ETFB: variants seen among roughly 807,000 people sequenced by gnomAD.
The protein encoded by ETFB is beta-ETF.
Under a neutral mutation model 25.6 loss-of-function variants are expected in ETFB, and 20 were observed. The observed-to-expected ratio is 0.78, with a 90% CI of 0.55 to 1.14. The LOEUF (loss-of-function observed/expected upper bound fraction) is 1.14. ETFB is among the 50% of genes most tolerant of loss of function. The probability of loss-of-function intolerance (pLI) is 0.00; values close to 1 mark genes in which losing one functional copy is unlikely to be tolerated. For missense variants in ETFB, 286 were observed against 342.6 expected (o/e 0.83, Z 1.30); for synonymous variants, 142 against 146.7 (o/e 0.97, Z 0.23).
At position 51,347,357 on chromosome 19, in the gene ETFB, T is replaced by A. The variant is rs575767565; in HGVS notation, c.439-299A>T. 1.1e-4 allele frequency: 38 copies of A among 350,016 alleles called. No homozygotes were observed. In the East Asian group the frequency reaches 2.0e-3, roughly 18 times the overall value. 21.7% of individuals were successfully genotyped at this position (350,016 alleles called of 1,614,324 possible). Reference sequence around the variant, plus strand: ...GCTGAGCCCTGTGCTAAGCAACTGATGTATCAAGTCATCGAATCCTCGCAG... The same window carrying A: ...GCTGAGCCCTGTGCTAAGCAACTGAAGTATCAAGTCATCGAATCCTCGCAG... On this transcript the variant is annotated intron_variant, in intron 4 of 5. Transcript: ENST00000309244.
intron 1 of ETFB, among the ~76,000 whole-genome samples, chr19:51,362,204 C>CACACACACAT (rs60638050): frequency 1.4e-5 from 2 of 146,270 alleles, no homozygotes; most frequent in Admixed American, 6.9e-5. Flanking sequence ...CACACACACA[C>CACACACACAT]GAATACACTC....
rs912384773 is a variant in ETFB at position 51,350,326 on chromosome 19, C to T, written c.438+3G>A. 6.2e-7 allele frequency: 1 copy of T among 1,610,296 alleles called. No homozygotes were observed. The highest frequency in any genetic ancestry group is 1.1e-5 in the South Asian group (1 of 90,116). ...CAGCAGGTGCTCCCCACTCCAGTCT[C>T]ACCTGTGGCCAGTCAAGAAATCCAG... On this transcript the variant is annotated splice_donor_region_variant and intron_variant, in intron 4 of 5. Transcript: ENST00000309244.
Position 51,363,677 on chromosome 19 carries a change from G to A in ETFB, c.57+2593C>T, listed in dbSNP as rs549342644. 3.6e-3 allele frequency among the ~76,000 whole-genome samples: 552 copies of A among 152,246 alleles called. 2 individuals carry two copies. Among genetic ancestry groups the A allele is most frequent in the Non-Finnish European group, 5.5e-3 (376 of 68,020 alleles). On this transcript the variant is annotated intron_variant, in intron 1 of 5. Coordinates refer to ENST00000309244, the MANE Select transcript of ETFB (RefSeq NM_001985.3). Reference sequence around the variant, plus strand: ...TTGGCCTGGCTGGTCTCAAACTCCTGACCTCAACTGATCCACTCGCCTCAG... The same window carrying A: ...TTGGCCTGGCTGGTCTCAAACTCCTAACCTCAACTGATCCACTCGCCTCAG...
chr19:51,355,288 G>A (rs530752457), intron 1 of ETFB: 1 of 152,658 alleles, frequency 6.6e-6, no homozygotes, highest in South Asian at 2.1e-4. Context: ...CGAAGGATAT[G>A]AATAGACACT....
At chr19:51,363,475 G>A (rs1968239) in intron 1 of ETFB, among the ~76,000 whole-genome samples, 41,573 of 151,814 alleles carry the variant, frequency 0.27, 5,961 homozygotes, top group South Asian at 0.46. Context: ...TTGAGACTGA[G>A]TCTAGCTCTG....
intron 4 of ETFB, among the ~76,000 whole-genome samples, chr19:51,349,703 C>G (rs1985884506): frequency 6.6e-6 from 1 of 152,080 alleles, no homozygotes; most frequent in African/African-American, 2.4e-5. Flanking sequence ...CCGTGGCCTC[C>G]CAAAGTGCTA....
intron 4 of ETFB, among the ~76,000 whole-genome samples, chr19:51,349,637 G>A (rs898310466): frequency 2.6e-5 from 4 of 152,024 alleles, no homozygotes; most frequent in East Asian, 3.9e-4. Flanking sequence ...TAGAGATGGG[G>A]TCTAACTATG....
intron 1 of ETFB, 134 bp from the exon 2 acceptor site, chr19:51,354,442 C>T (rs1238229573): frequency 1.2e-6 from 2 of 1,613,998 alleles, no homozygotes; most frequent in South Asian, 2.2e-5. Flanking sequence ...TCCGGGGTCA[C>T]ACAGCTCCAG....
At chr19:51,348,207 G>A (rs1371162145) in intron 4 of ETFB, 1 of 152,212 alleles carries the variant, frequency 6.6e-6, no homozygotes, top group African/African-American at 2.4e-5. Context: ...CTTGAGGTCA[G>A]GAGTTCAAGA....
rs761714465 is a variant in ETFB at position 51,345,282 on chromosome 19, G to C, written c.697C>G (p.Arg233Gly). The change falls in exon 6 of 6, where the codon CGC becomes GGC. Residue 233 changes from arginine to glycine, a missense_variant. Physicochemically the swap from Arg to Gly is moderately radical, Grantham distance 125. Transcript: ENST00000309244. ...SVISVEDPPQ[R>G]TAGVKVETTE... ...GTCTCCACCTTGACGCCGGCCGTGC[G>C]CTGGGGCGGGTCCTCCACACTGATC... 4.3e-6 allele frequency: 7 copies of C among 1,614,020 alleles called. No homozygotes were observed. Among genetic ancestry groups the C allele is most frequent in the Non-Finnish European group, 5.9e-6 (7 of 1,180,036 alleles).
rs1375347778 is a variant in ETFB, at chr19:51,350,376, A to C, written c.391T>G (p.Cys131Gly). ...GCTGTCATCTGCCCTGTCTGGTTAC[A>C]GTCATCATCGATGGCCTGAATGGGG... The part of the protein sequence containing the change: ...LLGKQAIDDD[C>G]NQTGQMTAGF... The change falls in exon 4 of 6, where the codon TGT (cysteine) becomes GGT (glycine). Residue 131 changes from cysteine (C) to glycine (G), a missense_variant. By Grantham distance (159) the Cys-to-Gly change is radical (BLOSUM62 -3). Coordinates refer to ENST00000309244, the MANE Select transcript of ETFB (RefSeq NM_001985.3). 6.3e-7 allele frequency: 1 copy of C among 1,577,712 alleles called. No individual in the cohort carries two copies. The highest frequency in any genetic ancestry group is 1.7e-5 in the Admixed American group (1 of 59,450).
chr19:51,351,607 G>A (rs948160454), intron 3 of ETFB, among the ~76,000 whole-genome samples: 6 of 152,220 alleles, frequency 3.9e-5, no homozygotes, highest in South Asian at 2.1e-4. Flanking sequence ...CCAGCACCTC[G>A]GCCTCTGCAG....
At chr19:51,356,166 T>C (rs1986074581) in intron 1 of ETFB, 1 of 152,172 alleles carries the variant, frequency 6.6e-6, no homozygotes, top group African/African-American at 2.4e-5. Flanking sequence ...GGCAACCCGC[T>C]TGGGCTTCCC....
intron 1 of ETFB, among the ~76,000 whole-genome samples, chr19:51,362,597 A>G (rs370202406): frequency 1.5e-3 from 225 of 152,146 alleles, no homozygotes; most frequent in African/African-American, 4.5e-3. Flanking sequence ...AAAACAAACC[A>G]CTGTGTGCCA....
intron 1 of ETFB, among the ~76,000 whole-genome samples, chr19:51,364,431 C>T (rs993096312): frequency 1.3e-5 from 2 of 152,184 alleles, no homozygotes; most frequent in Non-Finnish European, 2.9e-5. Flanking sequence ...ACGCGGCCTT[C>T]ACGCTTCCCC....
At chr19:51,359,852 T>C (rs1986176712) in intron 1 of ETFB, among the ~76,000 whole-genome samples, 1 of 151,624 alleles carries the variant, frequency 6.6e-6, no homozygotes, top group African/African-American at 2.4e-5. Flanking sequence ...AGACTTCATC[T>C]CTACCAAAAA....
chr19:51,361,507 C>A (rs890287513), intron 1 of ETFB, among the ~76,000 whole-genome samples: 1 of 152,086 alleles, frequency 6.6e-6, no homozygotes, highest in African/African-American at 2.4e-5. Flanking sequence ...GCAGGAGGGG[C>A]AAGTGCGTGG....
intron 1 of ETFB, among the ~76,000 whole-genome samples, chr19:51,362,510 G>C (rs947451061): frequency 6.6e-6 from 1 of 152,172 alleles, no homozygotes; most frequent in African/African-American, 2.4e-5. Context: ...GGGAAGTGGA[G>C]GTTCCAGTGA....
At chr19:51,354,502 C>A (rs1347079560) in intron 1 of ETFB, 194 bp from the exon 2 acceptor site, 11 of 1,614,030 alleles carry the variant, frequency 6.8e-6, no homozygotes, top group Non-Finnish European at 8.5e-7. Context: ...ACCCTGTCTC[C>A]TTCTCTCATC....
Sources: gnomAD v4.1 joint callset for allele counts (sites outside exome capture counted in the v4.1 genomes callset) on GRCh38, gnomAD v4.1.1 for gene constraint, MANE v1.5 for transcripts, NCBI Gene and HGNC (gene_info 2026-07-23, HGNC 2026-07-21) for gene names.